The following NPEPPS variants were observed in gnomAD, a reference collection of about 807,000 sequenced individuals.
NPEPPS encodes puromycin-sensitive aminopeptidase.
A neutral mutation model predicts 115.5 loss-of-function variants in NPEPPS; 14 were observed. The observed-to-expected ratio is 0.12, with a 90% CI of 0.08 to 0.19. NPEPPS has a LOEUF of 0.19. Among genes scored for constraint, NPEPPS ranks in the 10% least tolerant of loss-of-function variants. NPEPPS has a pLI of 1.00. For missense variants in NPEPPS, 523 were observed against 1,110.8 expected (o/e 0.47, Z 7.52); for synonymous variants, 285 against 390.6 (o/e 0.73, Z 3.19).
intron 5 of NPEPPS, among the ~76,000 whole-genome samples, chr17:47,584,093 C>T (rs1355446490): frequency 1.3e-5 from 2 of 150,708 alleles, no homozygotes; most frequent in African/African-American, 2.4e-5. Flanking sequence ...TGGTGGCAGG[C>T]ACCTGTAACC....
At chr17:47,594,454 A>G (rs1268960265) in intron 12 of NPEPPS, among the ~76,000 whole-genome samples, 25 of 144,214 alleles carry the variant, frequency 1.7e-4, no homozygotes, top group Non-Finnish European at 6.0e-5. Flanking sequence ...CTTGTTGCCC[A>G]GGCTGGAGTG....
chr17:47,622,326 C>A lies in NPEPPS; in HGVS notation c.*406C>A. The stretch of plus-strand genomic sequence containing the variant: ...TTGTGAAGTGGGTTCTGCAAGGAGC[C>A]TATAAAGCCAAGGGTGGTGTCCATT... On this transcript the variant is annotated 3_prime_UTR_variant, in exon 23 of 23. Transcript: ENST00000322157. The A allele has an allele frequency of 6.1e-6, 1 of 162,616 alleles. No individual in the cohort carries two copies. Among genetic ancestry groups the A allele is most frequent in the South Asian group, 1.7e-4 (1 of 5,760 alleles). The allele number at this position is 162,616 out of a possible 1,614,324, so 10.1% of individuals were successfully genotyped here. A position where few individuals can be genotyped will look rare whatever the true frequency, so the allele number is the denominator to read the frequency against.
chr17:47,609,461 GTTAC>G (rs1913712735), intron 17 of NPEPPS, among the ~76,000 whole-genome samples: 1 of 152,136 alleles, frequency 6.6e-6, no homozygotes, highest in Non-Finnish European at 1.5e-5. Context: ...ATAATAAAAT[GTTAC>G]CTTGCATCAC....
rs981775776 is a variant in NPEPPS, at chr17:47,531,116, C to G, written c.-185C>G. On this transcript the variant is annotated 5_prime_UTR_variant, in exon 1 of 23. Transcript: ENST00000322157. ...ACGCAGCCGCCGCCACCACTTCCCC[C>G]TCTCCCTCCCTCCTTGCGGGCCCTC... is the stretch of plus-strand genomic sequence containing the variant. 66 of 837,000 alleles carry G rather than the reference C, an allele frequency of 7.9e-5. 1 individual carries two copies. Among genetic ancestry groups the G allele is most frequent in the Non-Finnish European group, 1.0e-4 (62 of 614,870 alleles). 51.8% of individuals were successfully genotyped at this position (837,000 alleles called of 1,614,324 possible).
intron 14 of NPEPPS, 107 bp downstream of exon 14, chr17:47,599,846 C>T (rs949786717): frequency 2.2e-6 from 2 of 889,428 alleles, no homozygotes; most frequent in Non-Finnish European, 3.5e-6. Context: ...TTTGAGGAGT[C>T]TCACTCTGTC....
At chr17:47,616,683 CAAAA>C (rs751616382) in intron 19 of NPEPPS, among the ~76,000 whole-genome samples, 2 of 95,664 alleles carry the variant, frequency 2.1e-5, no homozygotes, top group African/African-American at 4.0e-5. Flanking sequence ...GACTCCGTCT[CAAAA>C]AAAAAAAAAG....
At chr17:47,557,754 A>G (rs1242869508) in intron 2 of NPEPPS, among the ~76,000 whole-genome samples, 1 of 148,794 alleles carries the variant, frequency 6.7e-6, no homozygotes, top group Non-Finnish European at 1.5e-5. Context: ...TTGTGAGAGT[A>G]CCTGTAATGT....
Position 47,596,469 on chromosome 17 carries a change from A to G in NPEPPS, c.1536+7A>G. 6.6e-7 allele frequency: 1 copy of G among 1,517,702 alleles called. No homozygotes were observed. Among genetic ancestry groups the G allele is most frequent in the South Asian group, 1.2e-5 (1 of 82,620 alleles). 94.0% of individuals were successfully genotyped at this position (1,517,702 alleles called of 1,614,324 possible). A position where few individuals can be genotyped will look rare whatever the true frequency, so the allele number is the denominator to read the frequency against. ...TTATGTGGAAGCTGAACAGGTAAAC[A>G]TATAAAGTCTTTCCATTTGTCTGAT... On this transcript the variant is annotated splice_region_variant and intron_variant, in intron 13 of 22. Transcript: ENST00000322157.
At chr17:47,586,336 C>A (rs183403065) in intron 7 of NPEPPS, 29 bp from the exon 8 acceptor site, 25,463 of 1,299,328 alleles carry the variant, frequency 0.02, 357 homozygotes, top group East Asian at 0.092. Flanking sequence ...ATATATATAT[C>A]AATAAATGTT....
At chr17:47,591,714 C>G in intron 10 of NPEPPS, 1 of 384,086 alleles carries the variant, frequency 2.6e-6, no homozygotes, top group Admixed American at 4.3e-5. Context: ...ATAGTGGCTT[C>G]TTTCCCAGCA....
At chr17:47,565,776 C>T (rs1910770360) in intron 2 of NPEPPS, among the ~76,000 whole-genome samples, 1 of 150,478 alleles carries the variant, frequency 6.6e-6, no homozygotes, top group African/African-American at 2.5e-5. Context: ...GCCAAGATGG[C>T]AGCACTGTAC....
At chr17:47,599,394 C>T (rs8075411) in intron 13 of NPEPPS, among the ~76,000 whole-genome samples, 68,349 of 152,054 alleles carry the variant, frequency 0.45, 16,342 homozygotes, top group East Asian at 0.55. Flanking sequence ...TATTTGAAAT[C>T]CAGGATGTGG....
chr17:47,559,097 G>A (rs1910261773), intron 2 of NPEPPS, among the ~76,000 whole-genome samples: 1 of 150,760 alleles, frequency 6.6e-6, no homozygotes, highest in South Asian at 2.1e-4. Flanking sequence ...AGGCCAGAGT[G>A]CAGTGACAGG....
chr17:47,535,286 T>C, intron 1 of NPEPPS, among the ~76,000 whole-genome samples: 1 of 130,052 alleles, frequency 7.7e-6, no homozygotes, highest in Admixed American at 8.7e-5. Flanking sequence ...GCGCGGTGGC[T>C]CACGCCTGTA....
intron 8 of NPEPPS, 94 bp downstream of exon 8, chr17:47,586,492 A>G (rs1912187267): frequency 8.2e-6 from 7 of 858,206 alleles, no homozygotes; most frequent in Non-Finnish European, 1.3e-5. Flanking sequence ...CTTCTGCTTT[A>G]CGATATGGTG....
At chr17:47,589,314 G>A (rs1912370371) in intron 9 of NPEPPS, among the ~76,000 whole-genome samples, 1 of 151,922 alleles carries the variant, frequency 6.6e-6, no homozygotes, top group African/African-American at 2.4e-5. Context: ...GGAGTGCAGT[G>A]GCACAATCAT....
At chr17:47,571,117 G>A (rs1361740276) in intron 3 of NPEPPS, among the ~76,000 whole-genome samples, 1 of 152,164 alleles carries the variant, frequency 6.6e-6, no homozygotes, top group Non-Finnish European at 1.5e-5. Flanking sequence ...GCAATTAAAA[G>A]TGAGGTTTGT....
chr17:47,587,372 A>C, intron 9 of NPEPPS, 28 bp downstream of exon 9: 2 of 1,488,084 alleles, frequency 1.3e-6, no homozygotes, highest in South Asian at 2.8e-5. Flanking sequence ...GTGCTCAAAT[A>C]TATTTATCTT....
intron 1 of NPEPPS, among the ~76,000 whole-genome samples, chr17:47,523,961 CTGAT>C (rs944415917): frequency 1.6e-4 from 25 of 152,066 alleles, no homozygotes; most frequent in African/African-American, 5.8e-4. Context: ...GCTAGAATGA[CTGAT>C]TGTTTTTTTT....
Sources: gnomAD v4.1 joint callset for allele counts (sites outside exome capture counted in the v4.1 genomes callset) on GRCh38, gnomAD v4.1.1 for gene constraint, MANE v1.5 for transcripts, NCBI Gene and HGNC (gene_info 2026-07-23, HGNC 2026-07-21) for gene names.